Variants in RBFOX1 observed in about 807,000 individuals in gnomAD.
RBFOX1 encodes RNA binding protein fox-1 homolog 1.
A neutral mutation model predicts 57.7 loss-of-function variants in RBFOX1; 8 were observed. That is an observed-to-expected ratio of 0.14 (90% CI 0.08 to 0.25). The LOEUF (loss-of-function observed/expected upper bound fraction) is 0.25, where lower values mean the gene tolerates loss of function less well. RBFOX1 is among the 10% of genes least tolerant of loss of function. RBFOX1 has a pLI of 1.00. For missense variants in RBFOX1, 611 were observed against 548.5 expected (o/e 1.11, Z -1.14); for synonymous variants, 326 against 222.4 (o/e 1.47, Z -4.15).
At chr16:7,384,068 A>C (rs534401193) in intron 4 of RBFOX1, among the ~76,000 whole-genome samples, 1 of 151,750 alleles carries the variant, frequency 6.6e-6, no homozygotes, top group African/African-American at 2.4e-5. Context: ...AAAAAAAAAA[A>C]GTATCCCAAG....
chr16:6,085,294 C>A (rs529375003), intron 1 of RBFOX1, among the ~76,000 whole-genome samples: 1 of 152,112 alleles, frequency 6.6e-6, no homozygotes, highest in Admixed American at 6.5e-5. Context: ...GTTTTTGAGA[C>A]GCGGTTTCGC....
intron 3 of RBFOX1, among the ~76,000 whole-genome samples, chr16:6,830,688 G>A (rs1156353761): frequency 6.6e-6 from 1 of 152,194 alleles, no homozygotes; most frequent in African/African-American, 2.4e-5. Context: ...TAGCAACAGT[G>A]TCTTGGTTAA....
At chr16:6,523,732 C>G (rs1234537769) in intron 2 of RBFOX1, among the ~76,000 whole-genome samples, 1 of 152,148 alleles carries the variant, frequency 6.6e-6, no homozygotes, top group Non-Finnish European at 1.5e-5. Context: ...AGAACAGCCA[C>G]ATAGCCCCAT....
At chr16:5,551,487 C>A (rs1212166368) in intron 2 of RBFOX1, among the ~76,000 whole-genome samples, 1 of 152,246 alleles carries the variant, frequency 6.6e-6, no homozygotes, top group Non-Finnish European at 1.5e-5. Context: ...TTCCGGCTTC[C>A]TTAGGTTATT....
chr16:6,363,761 C>T (rs1275849646), intron 2 of RBFOX1, among the ~76,000 whole-genome samples: 2 of 152,220 alleles, frequency 1.3e-5, no homozygotes, highest in South Asian at 2.1e-4. Flanking sequence ...CACTGACACC[C>T]AGTGACAGAA....
At chr16:5,496,801 C>G (rs1205796101) in intron 2 of RBFOX1, among the ~76,000 whole-genome samples, 1 of 152,216 alleles carries the variant, frequency 6.6e-6, no homozygotes, top group Non-Finnish European at 1.5e-5. Context: ...AGTTAGAGAT[C>G]ATTTCCAATT....
intron 4 of RBFOX1, among the ~76,000 whole-genome samples, chr16:7,217,614 A>G (rs745473353): frequency 6.6e-5 from 10 of 152,032 alleles, no homozygotes; most frequent in Non-Finnish European, 1.2e-4. Flanking sequence ...TGAGAATATA[A>G]TCAATTACTT....
At chr16:6,759,077 C>G (rs950516376) in intron 3 of RBFOX1, among the ~76,000 whole-genome samples, 8 of 151,896 alleles carry the variant, frequency 5.3e-5, no homozygotes, top group Non-Finnish European at 7.4e-5. Flanking sequence ...AAACAGAAAA[C>G]AAGATTATAT....
intron 2 of RBFOX1, among the ~76,000 whole-genome samples, chr16:6,561,443 T>A (rs987577522): frequency 6.6e-6 from 1 of 152,222 alleles, no homozygotes; most frequent in African/African-American, 2.4e-5. Flanking sequence ...ATTTACCCAA[T>A]AGGCTGTAAC....
chr16:7,231,124 T>C (rs886933150), intron 4 of RBFOX1, among the ~76,000 whole-genome samples: 1 of 152,148 alleles, frequency 6.6e-6, no homozygotes, highest in African/African-American at 2.4e-5. Context: ...GTTGTTTGGA[T>C]CAGATAGGTT....
chr16:6,097,572 C>G lies in RBFOX1; in HGVS notation c.-127+77580C>G, dbSNP rs2096260450. 6.6e-6 allele frequency among the ~76,000 whole-genome samples: 1 copy of G among 152,128 alleles called. No homozygotes were observed. The highest frequency in any genetic ancestry group is 1.5e-5 in the Non-Finnish European group (1 of 68,014). On this transcript the variant is annotated intron_variant, in intron 1 of 15. Transcript: ENST00000550418. The surrounding 1 kb of genome is among the most constrained non-coding windows in gnomAD (Gnocchi z 5.0). ...TTAAAGTATAAGAACCTCTGCTGCA[C>G]AGGGAGACCTCACTTTCATTATTCT... is the stretch of plus-strand genomic sequence containing the variant.
chr16:6,450,848 T>C lies in RBFOX1; in HGVS notation c.-64+133791T>C, dbSNP rs28577906. On this transcript the variant is annotated intron_variant, in intron 2 of 15. Transcript: ENST00000550418. ...ATATATATATATATGTGTATATATA[T>C]ATATATATATATATATATATATATA... Among the ~76,000 whole-genome samples the C allele has an allele frequency of 2.9e-3, 187 of 64,110 alleles. 36 individuals carry two copies. The highest frequency in any genetic ancestry group is 0.01 in the African/African-American group (173 of 16,620). 42.1% of individuals were successfully genotyped at this position (64,110 alleles called of 152,430 possible).
chr16:5,831,282 G>T (rs138180031), intron 3 of RBFOX1, among the ~76,000 whole-genome samples: 1 of 152,030 alleles, frequency 6.6e-6, no homozygotes, highest in African/African-American at 2.4e-5. Flanking sequence ...GTTTTCCAGA[G>T]ATCTGGTTTT....
intron 1 of RBFOX1, among the ~76,000 whole-genome samples, chr16:6,079,284 C>T (rs113899920): frequency 8.5e-5 from 13 of 152,154 alleles, no homozygotes; most frequent in African/African-American, 2.2e-4. Flanking sequence ...GCAGCCTGGA[C>T]AACAAAGCGA....
intron 3 of RBFOX1, among the ~76,000 whole-genome samples, chr16:5,619,175 G>A (rs1403426955): frequency 6.6e-6 from 1 of 152,170 alleles, no homozygotes; most frequent in African/African-American, 2.4e-5. Context: ...TCAGCTCTAA[G>A]GCTATGTTCG....
At chr16:5,743,543 A>G (rs532288964) in intron 3 of RBFOX1, among the ~76,000 whole-genome samples, 4 of 152,314 alleles carry the variant, frequency 2.6e-5, no homozygotes, top group Non-Finnish European at 5.9e-5. Context: ...TATTAAAATG[A>G]TCATTTTTTG....
intron 3 of RBFOX1, among the ~76,000 whole-genome samples, chr16:6,941,576 C>T (rs1167124221): frequency 2.0e-5 from 3 of 151,744 alleles, no homozygotes; most frequent in Non-Finnish European, 4.4e-5. Flanking sequence ...GAAATTCCAA[C>T]AGGGAATCTC....
intron 3 of RBFOX1, among the ~76,000 whole-genome samples, chr16:5,732,655 C>A (rs2151565978): frequency 6.6e-6 from 1 of 152,252 alleles, no homozygotes; most frequent in South Asian, 2.1e-4. Context: ...GAAGTAACTA[C>A]CTTCTATGTA....
At chr16:6,668,594 C>G (rs374875109) in intron 3 of RBFOX1, among the ~76,000 whole-genome samples, 4 of 152,268 alleles carry the variant, frequency 2.6e-5, no homozygotes, top group East Asian at 3.9e-4. Flanking sequence ...GCTCGAGAAG[C>G]CTTCTCTGTT....
Sources: allele counts gnomAD v4.1 joint callset (sites outside exome capture counted in the v4.1 genomes callset), GRCh38; gene constraint gnomAD v4.1.1; non-coding constraint Gnocchi (gnomAD v3.1); transcripts MANE v1.5; gene names NCBI Gene and HGNC (gene_info 2026-07-23, HGNC 2026-07-21).